RIMS1: variants seen among roughly 807,000 people sequenced by gnomAD.
RIMS1 encodes the protein regulating synaptic membrane exocytosis protein 1.
RIMS1 carries 83 observed loss-of-function variants against 214.1 expected under a neutral mutation model. That is an observed-to-expected ratio of 0.39 (90% CI 0.32 to 0.47). The LOEUF is 0.47. RIMS1 is among the 20% of genes least tolerant of loss of function. The pLI, the probability that RIMS1 is intolerant of heterozygous loss-of-function variation, is 0.99. For missense variants in RIMS1, 2,050 were observed against 2,161.8 expected (o/e 0.95, Z 1.03); for synonymous variants, 793 against 786.8 (o/e 1.01, Z -0.13).
intron 4 of RIMS1, among the ~76,000 whole-genome samples, chr6:72,176,038 T>C (rs2047655140): frequency 6.6e-6 from 1 of 152,256 alleles, no homozygotes; most frequent in African/African-American, 2.4e-5. Context: ...TTCTGATATG[T>C]GGCATGGTGT....
chr6:72,084,800 C>T (rs1412086032), intron 2 of RIMS1, among the ~76,000 whole-genome samples: 1 of 152,068 alleles, frequency 6.6e-6, no homozygotes, highest in Non-Finnish European at 1.5e-5. Flanking sequence ...TTGTAAGTGT[C>T]ATCTCTCAGT....
chr6:72,248,943 C>A (rs895880626), intron 12 of RIMS1, among the ~76,000 whole-genome samples: 1 of 152,048 alleles, frequency 6.6e-6, no homozygotes, highest in South Asian at 2.1e-4. Context: ...CCATCTTTTT[C>A]TTCAGTGTAT....
At chr6:72,338,186 A>G (rs1440074261) in intron 29 of RIMS1, among the ~76,000 whole-genome samples, 1 of 151,776 alleles carries the variant, frequency 6.6e-6, no homozygotes, top group Non-Finnish European at 1.5e-5. Context: ...ACAATGGTTG[A>G]ACTAGTTTAC....
intron 29 of RIMS1, among the ~76,000 whole-genome samples, chr6:72,340,322 C>T (rs1457479925): frequency 6.6e-5 from 10 of 151,690 alleles, no homozygotes; most frequent in South Asian, 4.2e-4. Context: ...GCTTTTGTTG[C>T]CATTGCTTTT....
chr6:72,198,813 A>G (rs1319643526), intron 6 of RIMS1, among the ~76,000 whole-genome samples: 1 of 151,986 alleles, frequency 6.6e-6, no homozygotes, highest in East Asian at 1.9e-4. Flanking sequence ...AATATACAGA[A>G]TCAATTATGA....
At chr6:72,228,143 T>C (rs907049916) in intron 6 of RIMS1, among the ~76,000 whole-genome samples, 2 of 151,982 alleles carry the variant, frequency 1.3e-5, no homozygotes, top group African/African-American at 4.8e-5. Flanking sequence ...TATTATTATC[T>C]TTTTTGTAAT....
chr6:72,216,950 A>G, intron 6 of RIMS1: 2 of 1,342,752 alleles, frequency 1.5e-6, no homozygotes, highest in Admixed American at 3.2e-5. Context: ...TGTTCACTGC[A>G]GAGATCTGTT....
At chr6:72,054,383 A>G (rs1825574447) in intron 2 of RIMS1, among the ~76,000 whole-genome samples, 1 of 152,168 alleles carries the variant, frequency 6.6e-6, no homozygotes, top group Admixed American at 6.5e-5. Context: ...GCTGCAATAA[A>G]CATATGTGTG....
chr6:72,251,446 T>C, intron 15 of RIMS1, 78 bp downstream of exon 15: 1 of 1,177,698 alleles, frequency 8.5e-7, no homozygotes, highest in South Asian at 1.9e-5. Flanking sequence ...TTCAAGATGT[T>C]TTTTTTAAAT....
At chr6:72,197,000 G>T (rs190677523) in intron 6 of RIMS1, among the ~76,000 whole-genome samples, 1 of 151,994 alleles carries the variant, frequency 6.6e-6, no homozygotes, top group East Asian at 1.9e-4. Flanking sequence ...TTATTGCCTT[G>T]CACACACTAA....
intron 6 of RIMS1, among the ~76,000 whole-genome samples, chr6:72,200,709 CA>C (rs1343131329): frequency 2.0e-5 from 3 of 152,140 alleles, no homozygotes; most frequent in Non-Finnish European, 4.4e-5. Flanking sequence ...GAAAAGGAGA[CA>C]TATGACTTGG....
chr6:72,274,958 T>C (rs2085406923), intron 23 of RIMS1, among the ~76,000 whole-genome samples: 1 of 151,320 alleles, frequency 6.6e-6, no homozygotes, highest in African/African-American at 2.4e-5. Context: ...AAACACAATA[T>C]TGTCCAGGGC....
intron 10 of RIMS1, among the ~76,000 whole-genome samples, chr6:72,244,796 A>C (rs1376137644): frequency 6.6e-6 from 1 of 151,962 alleles, no homozygotes; most frequent in Non-Finnish European, 1.5e-5. Flanking sequence ...CAAAATGACA[A>C]CTGCAGAGAA....
chr6:72,118,466 A>G (rs560569203), intron 4 of RIMS1, among the ~76,000 whole-genome samples: 1 of 151,662 alleles, frequency 6.6e-6, no homozygotes, highest in East Asian at 1.9e-4. Context: ...TCCTCCCTAA[A>G]CGTTCTATGA....
intron 6 of RIMS1, among the ~76,000 whole-genome samples, chr6:72,206,303 T>C (rs2052898794): frequency 6.6e-6 from 1 of 152,196 alleles, no homozygotes; most frequent in South Asian, 2.1e-4. Context: ...AACTTTTTAG[T>C]AAAATCTAAA....
chr6:72,178,249 C>T (rs1427292278), intron 4 of RIMS1, among the ~76,000 whole-genome samples: 1 of 152,088 alleles, frequency 6.6e-6, no homozygotes, highest in East Asian at 1.9e-4. Flanking sequence ...GTTCTTAATT[C>T]ACCTGCAGTA....
intron 2 of RIMS1, among the ~76,000 whole-genome samples, chr6:72,041,008 T>C (rs867040581): frequency 1.3e-5 from 2 of 151,980 alleles, no homozygotes; most frequent in African/African-American, 4.8e-5. Context: ...TTATAGACGA[T>C]ACAAATTGAC....
intron 2 of RIMS1, among the ~76,000 whole-genome samples, chr6:72,008,302 T>C (rs553219853): frequency 7.3e-4 from 111 of 152,142 alleles, no homozygotes; most frequent in Non-Finnish European, 1.4e-3. Context: ...CAGGCCTGCC[T>C]TAAAAGAGCT....
intron 4 of RIMS1, among the ~76,000 whole-genome samples, chr6:72,109,040 T>G (rs1342107783): frequency 2.0e-5 from 3 of 152,132 alleles, no homozygotes; most frequent in Non-Finnish European, 4.4e-5. Flanking sequence ...TCATCATTTT[T>G]TATGGCTGCA....
Sources: gnomAD v4.1 joint callset for allele counts (sites outside exome capture counted in the v4.1 genomes callset) on GRCh38, gnomAD v4.1.1 for gene constraint, MANE v1.5 for transcripts, NCBI Gene and HGNC (gene_info 2026-07-23, HGNC 2026-07-21) for gene names.